The following PLCH2 variants were observed in gnomAD, a reference collection of about 807,000 sequenced individuals.
PLCH2 encodes 1-phosphatidylinositol 4,5-bisphosphate phosphodiesterase eta-2.
Under a neutral mutation model 134.7 loss-of-function variants are expected in PLCH2, and 98 were observed. That is an observed-to-expected ratio of 0.73 (90% confidence interval 0.62 to 0.86). The LOEUF is 0.86. Among genes scored for constraint, PLCH2 ranks in the 40% least tolerant of loss-of-function variants. The pLI is 0.00. For missense variants in PLCH2, 1,994 were observed against 1,986.6 expected (o/e 1.00, Z -0.07); for synonymous variants, 974 against 827.5 (o/e 1.18, Z -3.04).
At chr1:2,484,698 G>A in intron 5 of PLCH2, 80 bp downstream of exon 5, 1 of 1,489,626 alleles carries the variant, frequency 6.7e-7, no homozygotes, top group Non-Finnish European at 9.1e-7. Flanking sequence ...TCAGTCAGGG[G>A]ACAGTGGTGA....
At position 2,446,567 on chromosome 1, in the gene PLCH2, C is replaced by T. The variant is rs1446930919; in HGVS notation, c.115+15938C>T. On this transcript the variant is annotated intron_variant, in intron 2 of 3. Transcript: ENST00000609981. Reference sequence around the variant, plus strand: ...TTAGGTCTGTTGTGTAACAGGCGCACATTGGAGGCAGAGGGAGGAAGGGCT... The same window carrying T: ...TTAGGTCTGTTGTGTAACAGGCGCATATTGGAGGCAGAGGGAGGAAGGGCT... Among the ~76,000 whole-genome samples, 3 of 152,344 alleles carry T rather than the reference C, an allele frequency of 2.0e-5. No individual in the cohort carries two copies. The East Asian group carries it at 5.8e-4, about 29-fold the overall frequency.
At chr1:2,503,844 C>T in intron 21 of PLCH2, 78 bp from the exon 22 acceptor site, 1 of 647,822 alleles carries the variant, frequency 1.5e-6, no homozygotes, top group Non-Finnish European at 2.8e-6. Flanking sequence ...TCCGACTCCT[C>T]TCCGCCTCTC....
chr1:2,421,898 T>G (rs547293609), upstream of PLCH2, among the ~76,000 whole-genome samples: 3 of 150,044 alleles, frequency 2.0e-5, no homozygotes, highest in Non-Finnish European at 3.0e-5. Flanking sequence ...TGCTTGAACC[T>G]GGGAAGCAGA....
chr1:2,468,358 G>A (rs559874207), intron 1 of PLCH2, among the ~76,000 whole-genome samples: 3 of 152,396 alleles, frequency 2.0e-5, no homozygotes, highest in African/African-American at 7.2e-5. Flanking sequence ...CCTGGGAGCC[G>A]GACATTGCCC....
chr1:2,433,975 A>G (rs976062404), intron 2 of PLCH2, among the ~76,000 whole-genome samples: 17 of 130,926 alleles, frequency 1.3e-4, no homozygotes, highest in African/African-American at 4.3e-4. Context: ...GAAGGGCAGC[A>G]GTGCAGTCTC....
chr1:2,448,836 C>T lies in PLCH2; in HGVS notation c.115+18207C>T, dbSNP rs1640064475. Among the ~76,000 whole-genome samples the T allele has an allele frequency of 6.6e-6, 1 of 152,206 alleles. No homozygotes were observed. The highest frequency in any genetic ancestry group is 1.5e-5 in the Non-Finnish European group (1 of 68,032). On this transcript the variant is annotated intron_variant, in intron 2 of 3. Coordinates refer to the PLCH2 transcript ENST00000609981. The surrounding 1 kb of genome is among the most constrained non-coding windows in gnomAD (Gnocchi z 4.0). ...GTACTGGAGGCCTGGACGGGCCTCA[C>T]TCCATTCTTAGGGAGCGGCTGCTCC...
chr1:2,481,237 C>T (rs1641954851), intron 4 of PLCH2, among the ~76,000 whole-genome samples: 1 of 152,264 alleles, frequency 6.6e-6, no homozygotes, highest in Non-Finnish European at 1.5e-5. Context: ...GGAAGCTGGC[C>T]TGCTCACAGG....
Position 2,504,311 on chromosome 1 carries a change from G to C in PLCH2, c.3349G>C (p.Ala1117Pro), listed in dbSNP as rs1643410129. ...GCGGCCCCTGGCCGCTCCCTTTCCA[G>C]CTCCTGCCGTGTACTCCGATGCCAC... is the stretch of plus-strand genomic sequence containing the variant. ...GWRPLAAPFP[A>P]PAVYSDATGS... is the part of the protein sequence containing the mutation. The change falls in exon 22 of 22, where the codon GCT becomes CCT. Residue 1117 changes from alanine to proline, a missense_variant. Ala to Pro is a conservative substitution (Grantham distance 27, BLOSUM62 -1). Around this residue, in one of 2 missense-constraint regions of PLCH2, gnomAD observed 900 missense variants for 752.3 expected, o/e 1.20. Coordinates refer to ENST00000378486, the MANE Select transcript of PLCH2 (RefSeq NM_014638.4). 1 of 1,606,144 alleles carries C rather than the reference G, an allele frequency of 6.2e-7. No individual in the cohort carries two copies. The highest frequency in any genetic ancestry group is 1.3e-5 in the African/African-American group (1 of 74,760).
intron 2 of PLCH2, among the ~76,000 whole-genome samples, chr1:2,438,222 C>T (rs1323135484): frequency 1.3e-5 from 2 of 152,210 alleles, no homozygotes; most frequent in South Asian, 2.1e-4. Flanking sequence ...GCTCGGCAGA[C>T]GGTGTGTGCT....
chr1:2,445,456 C>T (rs114303731), intron 2 of PLCH2, among the ~76,000 whole-genome samples: 3,629 of 150,304 alleles, frequency 0.024, 137 homozygotes, highest in African/African-American at 0.084. Flanking sequence ...GTAGAAGACT[C>T]GGGGCTCGGG....
intron 11 of PLCH2, 141 bp downstream of exon 11, chr1:2,491,476 G>A: frequency 4.6e-6 from 4 of 863,410 alleles, no homozygotes; most frequent in Admixed American, 2.4e-5. Flanking sequence ...GCATACCTCT[G>A]TACACACCTC....
intron 1 of PLCH2, among the ~76,000 whole-genome samples, chr1:2,429,728 G>A (rs1423688728): frequency 6.6e-6 from 1 of 152,212 alleles, no homozygotes; most frequent in Non-Finnish European, 1.5e-5. Flanking sequence ...CCTGGCCTCA[G>A]GAGTGACACT....
intron 13 of PLCH2, among the ~76,000 whole-genome samples, chr1:2,496,232 A>AC (rs1642875145): frequency 6.6e-6 from 1 of 152,114 alleles, no homozygotes; most frequent in African/African-American, 2.4e-5. Flanking sequence ...CACCCGGCCG[A>AC]CACGGAGGCC....
At chr1:2,455,412 C>T (rs1640442586) in intron 2 of PLCH2, among the ~76,000 whole-genome samples, 2 of 152,234 alleles carry the variant, frequency 1.3e-5, no homozygotes, top group Admixed American at 1.3e-4. Context: ...TTTGGCGGTT[C>T]ACCCACTGTT....
Position 2,504,647 on chromosome 1 carries a change from G to T in PLCH2, c.3685G>T (p.Ala1229Ser), listed in dbSNP as rs752779213. 5.0e-6 allele frequency: 8 copies of T among 1,612,542 alleles called. No homozygotes were observed. The highest frequency in any genetic ancestry group is 6.8e-6 in the Non-Finnish European group (8 of 1,179,812). The stretch of plus-strand genomic sequence containing the variant: ...GCCCAGGTCCCTGGCCCCAAGGATG[G>T]CTGGCCTCCCCTTCCGGCCTCCCTG... ...LQPRSLAPRM[A>S]GLPFRPPWGC... The change falls in exon 22 of 22, where the codon GCT (alanine) becomes TCT (serine). Residue 1229 changes from alanine (A) to serine (S), a missense_variant. Transcript: ENST00000378486.
chr1:2,432,250 C>T (rs1028480925), intron 2 of PLCH2, among the ~76,000 whole-genome samples: 37 of 152,182 alleles, frequency 2.4e-4, no homozygotes, highest in African/African-American at 7.7e-4. Flanking sequence ...AGCCCTGAAG[C>T]GGTGGGCAGT....
Position 2,502,294 on chromosome 1 carries a change from C to T in PLCH2, c.2844C>T (p.Val948=), listed in dbSNP as rs1382958239. 5.2e-6 allele frequency: 8 copies of T among 1,537,548 alleles called. No homozygotes were observed. In the African/African-American group the frequency reaches 9.7e-5, roughly 19 times the overall value. The change falls in exon 21 of 22, where the codon GTC becomes GTT. Residue 948 remains valine, a synonymous_variant. Transcript: ENST00000378486. ...GCCGCAGGGGCTTCCCGGAGCTGGT[C>T]CTGGGTACACGGGACACAGGCTCCA... ...KPGRRGFPEL[V]LGTRDTGSKG...
the PLCH2 span, among the ~76,000 whole-genome samples, chr1:2,415,978 C>T: frequency 6.6e-6 from 1 of 152,334 alleles, no homozygotes; most frequent in East Asian, 1.9e-4. Flanking sequence ...GCTCAGAGGC[C>T]GGGGAGGAGA....
At chr1:2,450,431 C>G (rs1640138638) in intron 2 of PLCH2, among the ~76,000 whole-genome samples, 2 of 151,898 alleles carry the variant, frequency 1.3e-5, no homozygotes. Flanking sequence ...GCATTCAGAA[C>G]ACAGAAAAGG....
Sources: allele counts gnomAD v4.1 joint callset (sites outside exome capture counted in the v4.1 genomes callset), GRCh38; gene constraint gnomAD v4.1.1; regional missense constraint gnomAD v4.1.1; non-coding constraint Gnocchi (gnomAD v3.1); transcripts MANE v1.5; gene names NCBI Gene and HGNC (gene_info 2026-07-23, HGNC 2026-07-21).